Variants in PIK3R1 observed in about 807,000 individuals in gnomAD.
The protein encoded by PIK3R1 is phosphoinositide-3-kinase regulatory subunit 1.
A neutral mutation model predicts 98.0 loss-of-function variants in PIK3R1; 29 were observed. The observed-to-expected ratio is 0.30, with a 90% CI of 0.22 to 0.40. The LOEUF (loss-of-function observed/expected upper bound fraction) is 0.40, where lower values mean the gene tolerates loss of function less well. PIK3R1 is among the 10% of genes least tolerant of loss of function. The pLI, the probability that PIK3R1 is intolerant of heterozygous loss-of-function variation, is 1.00. For synonymous variants in PIK3R1, 282 were observed against 311.8 expected (o/e 0.90, Z 1.01); for missense variants, 596 against 872.7 (o/e 0.68, Z 3.99).
chr5:68,247,310 T>C (rs1745136645), intron 2 of PIK3R1, among the ~76,000 whole-genome samples: 1 of 152,236 alleles, frequency 6.6e-6, no homozygotes, highest in Admixed American at 6.5e-5. Context: ...GCTTGATTGA[T>C]TTTGAAAACA....
At chr5:68,256,586 T>C (rs1315734029) in intron 2 of PIK3R1, among the ~76,000 whole-genome samples, 1 of 152,208 alleles carries the variant, frequency 6.6e-6, no homozygotes, top group Non-Finnish European at 1.5e-5. Flanking sequence ...GCTGTACTTC[T>C]TTTCTGTTAC....
At chr5:68,223,170 C>T (rs1190270620) in intron 1 of PIK3R1, among the ~76,000 whole-genome samples, 1 of 144,424 alleles carries the variant, frequency 6.9e-6, no homozygotes, top group African/African-American at 2.6e-5. Flanking sequence ...ATCATCATCA[C>T]CCAATACTTA....
chr5:68,258,567 C>G (rs1475210191), intron 2 of PIK3R1, among the ~76,000 whole-genome samples: 1 of 152,180 alleles, frequency 6.6e-6, no homozygotes, highest in South Asian at 2.1e-4. Context: ...AGATGTGAAC[C>G]TAAGCAGGCC....
At position 68,293,082 on chromosome 5, in the gene PIK3R1, T is replaced by G. The variant is rs373504515; in HGVS notation, c.1020-19T>G. The G allele has an allele frequency of 2.5e-6, 4 of 1,584,372 alleles. No individual in the cohort carries two copies. Among genetic ancestry groups the G allele is most frequent in the Non-Finnish European group, 3.5e-6 (4 of 1,153,336 alleles). On this transcript the variant is annotated intron_variant, in intron 8 of 15. Coordinates refer to ENST00000521381, the MANE Select transcript of PIK3R1 (RefSeq NM_181523.3). ...TCACTAAACCTTAAGATGAGCATTGTTTTGTGTTTTCATTTCAGGGAAGAA... is the reference window on the plus strand; with the variant it reads ...TCACTAAACCTTAAGATGAGCATTGGTTTGTGTTTTCATTTCAGGGAAGAA...
intron 11 of PIK3R1, among the ~76,000 whole-genome samples, 200 bp downstream of exon 11, chr5:68,294,034 T>G (rs1747550684): frequency 6.6e-6 from 1 of 152,218 alleles, no homozygotes; most frequent in Non-Finnish European, 1.5e-5. Context: ...AATAATAAAT[T>G]AAGTTCACGT....
intron 2 of PIK3R1, among the ~76,000 whole-genome samples, chr5:68,271,402 G>A (rs910485426): frequency 6.6e-6 from 1 of 152,126 alleles, no homozygotes; most frequent in Non-Finnish European, 1.5e-5. Flanking sequence ...ATATTGATTA[G>A]CTCTATGTTA....
At chr5:68,242,557 G>A (rs1561266517) in intron 2 of PIK3R1, among the ~76,000 whole-genome samples, 1 of 152,200 alleles carries the variant, frequency 6.6e-6, no homozygotes, top group Non-Finnish European at 1.5e-5. Flanking sequence ...CCAGGAGACT[G>A]TGTCAGCTAC....
chr5:68,262,386 T>TATATA lies in PIK3R1; in HGVS notation c.335-11004_335-11003insATATA, dbSNP rs576101819. Reference sequence around the variant, plus strand: ...ATGACCAGGCTTCTTTCTATAATTTTTATATATATATATATATACACACAC... The same window carrying TATATA: ...ATGACCAGGCTTCTTTCTATAATTTTATATATATATATATATATATATACACACAC... On this transcript the variant is annotated intron_variant, in intron 2 of 15. Transcript: ENST00000521381. 6.1e-4 allele frequency among the ~76,000 whole-genome samples: 85 copies of TATATA among 138,552 alleles called. 1 individual carries two copies. Among genetic ancestry groups the TATATA allele is most frequent in the Middle Eastern group, 3.8e-3 (1 of 264 alleles). 90.9% of individuals were successfully genotyped at this position (138,552 alleles called of 152,430 possible).
chr5:68,264,316 C>T (rs1746032250), intron 2 of PIK3R1, among the ~76,000 whole-genome samples: 1 of 152,256 alleles, frequency 6.6e-6, no homozygotes, highest in East Asian at 1.9e-4. Flanking sequence ...ATCAGTGTCA[C>T]GTAAAGATTT....
At chr5:68,222,536 G>A (rs1451085415) in intron 1 of PIK3R1, among the ~76,000 whole-genome samples, 1 of 152,202 alleles carries the variant, frequency 6.6e-6, no homozygotes, top group Non-Finnish European at 1.5e-5. Context: ...CAGAAGTGGT[G>A]TGCCCAGTAT....
intron 2 of PIK3R1, among the ~76,000 whole-genome samples, chr5:68,266,782 C>T (rs879671277): frequency 6.6e-6 from 1 of 152,142 alleles, no homozygotes; most frequent in Non-Finnish European, 1.5e-5. Context: ...AGTTTCCTTG[C>T]CTTTAAACTG....
chr5:68,297,299 ACCCTTTCC>A, intron 15 of PIK3R1, 105 bp from the exon 16 acceptor site: 3 of 869,298 alleles, frequency 3.5e-6, no homozygotes, highest in Non-Finnish European at 5.5e-6. Flanking sequence ...GTAACCTAGG[ACCCTTTCC>A]CCAAGTTGAG....
intron 2 of PIK3R1, among the ~76,000 whole-genome samples, chr5:68,259,542 C>T (rs770821441): frequency 1.2e-4 from 18 of 152,134 alleles, no homozygotes; most frequent in Non-Finnish European, 2.6e-4. Context: ...TCACCATGGG[C>T]GTGAGGAGAG....
chr5:68,294,118 A>C (rs527411910), intron 11 of PIK3R1, among the ~76,000 whole-genome samples: 1 of 152,228 alleles, frequency 6.6e-6, no homozygotes, highest in Non-Finnish European at 1.5e-5. Flanking sequence ...ATTGGAAGTT[A>C]GTAATAACTG....
At chr5:68,266,706 G>A (rs373439528) in intron 2 of PIK3R1, among the ~76,000 whole-genome samples, 39 of 152,288 alleles carry the variant, frequency 2.6e-4, no homozygotes, top group African/African-American at 8.7e-4. Flanking sequence ...ATACTCTGGC[G>A]CAGGGAAGAC....
intron 1 of PIK3R1, among the ~76,000 whole-genome samples, chr5:68,225,711 G>T (rs1254620319): frequency 6.6e-6 from 1 of 152,112 alleles, no homozygotes; most frequent in African/African-American, 2.4e-5. Context: ...TTTTCACCAA[G>T]CCCTTTCCGT....
In PIK3R1 at chr5:68,294,677, A is replaced by C. The variant is rs575877214; in HGVS notation, c.1567A>C (p.Arg523=). The change falls in exon 12 of 16, where the codon AGG becomes CGG. Residue 523 remains arginine, a splice_region_variant and synonymous_variant. Transcript: ENST00000521381. The part of the protein sequence containing the change: ...KREGNEKEIQ[R]IMHNYDKLKS... ...TGAAGGCAATGAGAAAGAAATACAA[A>C]GGTTGGTGTTTCCCTTGTTCTTGTG... 1.3e-6 allele frequency: 2 copies of C among 1,599,576 alleles called. No individual in the cohort carries two copies. The highest frequency in any genetic ancestry group is 2.7e-5 in the African/African-American group (2 of 73,882).
chr5:68,263,203 CTA>C lies in PIK3R1; in HGVS notation c.335-10177_335-10176del, dbSNP rs556245789. 4.4e-4 allele frequency among the ~76,000 whole-genome samples: 56 copies of C among 125,884 alleles called. No individual in the cohort carries two copies. The East Asian group carries it at 8.3e-3, about 19-fold the overall frequency. The allele number at this position is 125,884 out of a possible 152,430, so 82.6% of individuals were successfully genotyped here. On this transcript the variant is annotated intron_variant, in intron 2 of 15. Transcript: ENST00000521381. ...TATATACATATATCTACATATATAT[CTA>C]TATATATATTTCTACATATATATCT...
At chr5:68,249,796 T>C (rs4122269) in intron 2 of PIK3R1, among the ~76,000 whole-genome samples, 56,814 of 152,020 alleles carry the variant, frequency 0.37, 10,967 homozygotes, top group African/African-American at 0.46. Context: ...ATAGATACTT[T>C]CTCAGTCACG....
Sources: allele counts gnomAD v4.1 joint callset (sites outside exome capture counted in the v4.1 genomes callset), GRCh38; gene constraint gnomAD v4.1.1; transcripts MANE v1.5; gene names NCBI Gene and HGNC (gene_info 2026-07-23, HGNC 2026-07-21).